CTNNA2: variants seen among roughly 807,000 people sequenced by gnomAD.
CTNNA2 encodes the protein catenin alpha-2.
A neutral mutation model predicts 101.0 loss-of-function variants in CTNNA2; 42 were observed. The ratio of observed to expected loss-of-function variants is 0.42; its 90% CI spans 0.32 to 0.54. The LOEUF is 0.54. CTNNA2 is among the 20% of genes least tolerant of loss of function. The pLI, the probability that CTNNA2 is intolerant of heterozygous loss-of-function variation, is 0.14. For synonymous variants in CTNNA2, 450 were observed against 456.4 expected (o/e 0.99, Z 0.18); for missense variants, 871 against 1,223.1 (o/e 0.71, Z 4.29).
At chr2:79,929,326 A>C (rs1250631704) in intron 7 of CTNNA2, among the ~76,000 whole-genome samples, 2 of 152,232 alleles carry the variant, frequency 1.3e-5, no homozygotes, top group Non-Finnish European at 2.9e-5. Context: ...TAGTGAGAGG[A>C]GAATAACTGC....
At chr2:79,291,861 A>G (rs1051520634) in intron 2 of CTNNA2, among the ~76,000 whole-genome samples, 1 of 152,252 alleles carries the variant, frequency 6.6e-6, no homozygotes, top group South Asian at 2.1e-4. Context: ...TTACCTGTGC[A>G]TTTCCATGGT....
At chr2:80,459,909 A>C (rs1684284964) in intron 9 of CTNNA2, among the ~76,000 whole-genome samples, 1 of 152,088 alleles carries the variant, frequency 6.6e-6, no homozygotes, top group Non-Finnish European at 1.5e-5. Flanking sequence ...ACTGGCAGAG[A>C]CTTGGGGCAT....
At chr2:79,243,447 G>T (rs1009320911) in intron 2 of CTNNA2, among the ~76,000 whole-genome samples, 1 of 152,298 alleles carries the variant, frequency 6.6e-6, no homozygotes, top group East Asian at 1.9e-4. Context: ...GGGGTCACAG[G>T]ATCTGAATGT....
At chr2:80,421,816 A>C (rs191845212) in intron 9 of CTNNA2, among the ~76,000 whole-genome samples, 32 of 152,000 alleles carry the variant, frequency 2.1e-4, no homozygotes, top group Middle Eastern at 3.4e-3. Flanking sequence ...AAAAAAAAAA[A>C]AAAACCCAAA....
At chr2:79,312,152 T>G (rs1191860908) in intron 2 of CTNNA2, among the ~76,000 whole-genome samples, 1 of 152,130 alleles carries the variant, frequency 6.6e-6, no homozygotes, top group African/African-American at 2.4e-5. Context: ...CAAGCGATCT[T>G]CCTACCTCAG....
chr2:79,397,740 TCTAA>T (rs1405148890), intron 4 of CTNNA2, among the ~76,000 whole-genome samples: 1 of 152,118 alleles, frequency 6.6e-6, no homozygotes, highest in Non-Finnish European at 1.5e-5. Flanking sequence ...CATAGCTCAC[TCTAA>T]CCTCAAACTC....
chr2:79,881,694 G>A (rs1021426313), intron 6 of CTNNA2, among the ~76,000 whole-genome samples: 3 of 151,480 alleles, frequency 2.0e-5, no homozygotes, highest in Admixed American at 6.6e-5. Context: ...TTGAGCCTAT[G>A]TGTGTCTTTG....
rs753533514 is a variant in CTNNA2 at position 79,651,637 on chromosome 2, G to A, written c.81G>A (p.Leu27=). ...LEIRTLTVER[L]LEPLVTQVTT... The stretch of plus-strand genomic sequence containing the variant: ...TCCGGACGCTAACAGTGGAAAGGCT[G>A]TTGGAGCCACTTGTTACACAGGTAA... Residue 27 remains leucine (L), a synonymous_variant, in exon 2 of 19, where the codon CTG becomes CTA. Coordinates refer to ENST00000402739, the MANE Select transcript of CTNNA2 (RefSeq NM_001282597.3). 1 of 1,613,756 alleles carries A rather than the reference G, an allele frequency of 6.2e-7. No homozygotes were observed. The highest frequency in any genetic ancestry group is 8.5e-7 in the Non-Finnish European group (1 of 1,179,774).
chr2:79,518,201 C>G (rs1391572908), intron 1 of CTNNA2, among the ~76,000 whole-genome samples: 1 of 152,074 alleles, frequency 6.6e-6, no homozygotes, highest in African/African-American at 2.4e-5. Context: ...CAGTATGTTG[C>G]TACTTGTAGA....
intron 3 of CTNNA2, among the ~76,000 whole-genome samples, chr2:79,343,755 T>G (rs140552308): frequency 0.022 from 2,504 of 115,234 alleles, 20 homozygotes; most frequent in Non-Finnish European, 0.03. Flanking sequence ...ATTATTATTA[T>G]TATTTGCTAC....
chr2:79,259,963 G>A (rs1674898954), intron 2 of CTNNA2, among the ~76,000 whole-genome samples: 1 of 152,190 alleles, frequency 6.6e-6, no homozygotes. Context: ...TTTCCAAAAT[G>A]AGAAAGTAAA....
At chr2:80,225,253 A>G (rs1416685644) in intron 7 of CTNNA2, among the ~76,000 whole-genome samples, 2 of 152,178 alleles carry the variant, frequency 1.3e-5, no homozygotes, top group Admixed American at 1.3e-4. Context: ...TTCTCTAAAT[A>G]TTGGAAAAGC....
intron 2 of CTNNA2, among the ~76,000 whole-genome samples, chr2:79,739,220 G>A (rs1010069762): frequency 1.3e-5 from 2 of 152,036 alleles, no homozygotes; most frequent in African/African-American, 4.8e-5. Context: ...GGCAGAGGGA[G>A]GCCTAACATT....
chr2:80,495,967 A>AAAAAAAAAAAG (rs1236115589), intron 9 of CTNNA2, among the ~76,000 whole-genome samples: 2 of 139,070 alleles, frequency 1.4e-5, no homozygotes, highest in Admixed American at 7.1e-5. Flanking sequence ...AAAAAAAAAA[A>AAAAAAAAAAAG]GGTGGCCATT....
chr2:79,473,519 G>T (rs776474887), intron 4 of CTNNA2, among the ~76,000 whole-genome samples: 8 of 151,864 alleles, frequency 5.3e-5, no homozygotes, highest in African/African-American at 1.7e-4. Flanking sequence ...GGGAAAAAAT[G>T]TACATTACAT....
chr2:79,844,351 G>T (rs1680045743), intron 3 of CTNNA2, among the ~76,000 whole-genome samples: 1 of 152,092 alleles, frequency 6.6e-6, no homozygotes, highest in Admixed American at 6.6e-5. Context: ...ATATTTTGAT[G>T]TACTTCATAA....
chr2:79,857,048 CT>C (rs1681198169), intron 3 of CTNNA2, among the ~76,000 whole-genome samples: 1 of 152,236 alleles, frequency 6.6e-6, no homozygotes, highest in Non-Finnish European at 1.5e-5. Context: ...TACTGCCTCT[CT>C]CCAGCCCCCT....
intron 2 of CTNNA2, among the ~76,000 whole-genome samples, chr2:79,709,126 A>G (rs1685580417): frequency 6.6e-6 from 1 of 152,174 alleles, no homozygotes; most frequent in African/African-American, 2.4e-5. Flanking sequence ...TTTAATTACC[A>G]TATCAGCTAA....
intron 4 of CTNNA2, among the ~76,000 whole-genome samples, chr2:79,390,705 A>C (rs888685856): frequency 6.6e-6 from 1 of 152,154 alleles, no homozygotes; most frequent in Non-Finnish European, 1.5e-5. Context: ...AATGATACCT[A>C]TTTGGTCTAT....
Sources: allele counts gnomAD v4.1 joint callset (sites outside exome capture counted in the v4.1 genomes callset), GRCh38; gene constraint gnomAD v4.1.1; transcripts MANE v1.5; gene names NCBI Gene and HGNC (gene_info 2026-07-23, HGNC 2026-07-21).